UGT2B4: variants seen among roughly 807,000 people sequenced by gnomAD.
UGT2B4 encodes the protein UDP-glucuronosyltransferase 2B4.
In UGT2B4, 49 loss-of-function variants were observed where a neutral mutation model predicts 49.8. That is an observed-to-expected ratio of 0.98 (90% confidence interval 0.78 to 1.25). UGT2B4 has a LOEUF of 1.25. UGT2B4 is among the 50% of genes most tolerant of loss of function. The pLI is 0.00. For missense variants in UGT2B4, 729 were observed against 627.7 expected, an observed-to-expected ratio of 1.16 and a Z score of -1.73; for synonymous variants, 246 against 217.7, an observed-to-expected ratio of 1.13 and a Z score of -1.14.
At chr4:69,483,471 AT>A (rs1445646818) in intron 5 of UGT2B4, among the ~76,000 whole-genome samples, 4 of 152,014 alleles carry the variant, frequency 2.6e-5, no homozygotes, top group African/African-American at 9.7e-5. Flanking sequence ...ATTTGGTCTT[AT>A]TTTTCAGGTC....
exon 1 of UGT2B4, chr4:69,525,797 T>C: frequency 8.8e-7 from 1 of 1,142,072 alleles, no homozygotes; most frequent in Non-Finnish European, 1.1e-6. Context: ...AACATTTATG[T>C]TTATATTAAA....
chr4:69,481,969 A>G (rs1727606737), intron 5 of UGT2B4, among the ~76,000 whole-genome samples: 1 of 152,218 alleles, frequency 6.6e-6, no homozygotes, highest in African/African-American at 2.4e-5. Context: ...CATATCAAGA[A>G]TAAAATCCAA....
chr4:69,509,099 TTAA>T (rs1045349336), intron 1 of UGT2B4, among the ~76,000 whole-genome samples: 5 of 152,180 alleles, frequency 3.3e-5, no homozygotes, highest in Non-Finnish European at 7.4e-5. Context: ...GTTATTTCAC[TTAA>T]TATTATTTTC....
chr4:69,498,357 C>G (rs896792454), upstream of UGT2B4, among the ~76,000 whole-genome samples: 1 of 152,136 alleles, frequency 6.6e-6, no homozygotes, highest in South Asian at 2.1e-4. Flanking sequence ...ATATGCATGG[C>G]TCTTGTGGAG....
intron 5 of UGT2B4, among the ~76,000 whole-genome samples, chr4:69,483,706 T>C (rs950323051): frequency 2.0e-5 from 3 of 152,130 alleles, no homozygotes; most frequent in Non-Finnish European, 4.4e-5. Flanking sequence ...ACATTATTAA[T>C]AGTAGTTATG....
chr4:69,483,204 T>G (rs1285530882), intron 5 of UGT2B4, among the ~76,000 whole-genome samples: 1 of 152,144 alleles, frequency 6.6e-6, no homozygotes, highest in Non-Finnish European at 1.5e-5. Flanking sequence ...TTTTTATAAT[T>G]TCTCACATTC....
At position 69,486,695 on chromosome 4, in the gene UGT2B4, A is replaced by T; in HGVS notation, c.1004T>A (p.Val335Asp). Reference sequence around the variant, plus strand: ...TTTATTCCCATCAAATCTCCACAGAACCTGTTACAGTGAAGAAAATATCTT... The same window carrying T: ...TTTATTCCCATCAAATCTCCACAGATCCTGTTACAGTGAAGAAAATATCTT... The part of the protein sequence containing the change: ...ASALAKIPQK[V>D]LWRFDGNKPD... Residue 335 changes from valine (V) to aspartate (D), a missense_variant and splice_region_variant, in exon 4 of 6, where the codon GTT becomes GAT. Val to Asp is a radical substitution (Grantham distance 152). Transcript: ENST00000305107. 6.2e-7 allele frequency: 1 copy of T among 1,602,334 alleles called. No individual in the cohort carries two copies. Among genetic ancestry groups the T allele is most frequent in the Non-Finnish European group, 8.5e-7 (1 of 1,175,638 alleles).
At chr4:69,493,598 C>T in intron 2 of UGT2B4, 95 bp downstream of exon 2, 1 of 1,427,296 alleles carries the variant, frequency 7.0e-7, no homozygotes, top group Non-Finnish European at 9.3e-7. Context: ...TTCCCACTTC[C>T]ACCTTTCTTC....
chr4:69,493,218 G>T (rs570036987), intron 2 of UGT2B4, among the ~76,000 whole-genome samples: 7 of 151,520 alleles, frequency 4.6e-5, no homozygotes, highest in African/African-American at 1.5e-4. Context: ...ATTAATATCA[G>T]TGACTCCAGG....
intron 1 of UGT2B4, among the ~76,000 whole-genome samples, chr4:69,506,606 G>A (rs575263046): frequency 1.7e-4 from 25 of 151,382 alleles, no homozygotes; most frequent in African/African-American, 5.4e-4. Flanking sequence ...ACAAAGCCTA[G>A]GACCAGATAG....
intron 5 of UGT2B4, among the ~76,000 whole-genome samples, chr4:69,484,393 A>G (rs1727701757): frequency 6.6e-6 from 1 of 152,200 alleles, no homozygotes; most frequent in Non-Finnish European, 1.5e-5. Flanking sequence ...TGAGCTAATA[A>G]AGAGACAAAT....
chr4:69,485,689 T>C (rs1727760733), intron 4 of UGT2B4, among the ~76,000 whole-genome samples: 1 of 119,214 alleles, frequency 8.4e-6, no homozygotes, highest in Admixed American at 9.0e-5. Flanking sequence ...TAAGGAAACA[T>C]CATGTGCAGA....
At position 69,493,787 on chromosome 4, in the gene UGT2B4, C is replaced by T. The variant is rs764806996; in HGVS notation, c.776G>A (p.Arg259Gln). Residue 259 changes from arginine to glutamine, a missense_variant, in exon 2 of 6, where the codon CGA becomes CAA. Arg to Gln is a conservative substitution (Grantham distance 43). Coordinates refer to ENST00000305107, the MANE Select transcript of UGT2B4 (RefSeq NM_021139.3). Reference protein sequence around the residue: ...TMAKADIWLIRNYWDFQFPHP... With the variant: ...TMAKADIWLIQNYWDFQFPHP... ...AGGAAATTGAAAATCCCAGTAGTTT[C>T]GAATAAGCCATATGTCAGCTTTTGC... is the stretch of plus-strand genomic sequence containing the variant. The T allele has an allele frequency of 9.9e-6, 16 of 1,608,446 alleles. No individual in the cohort carries two copies. In the South Asian group the frequency reaches 1.1e-4, roughly 11 times the overall value.
chr4:69,507,239 A>G (rs1373737727), intron 1 of UGT2B4, among the ~76,000 whole-genome samples: 1 of 152,206 alleles, frequency 6.6e-6, no homozygotes, highest in African/African-American at 2.4e-5. Flanking sequence ...CAGGCGAGCG[A>G]AAGAAATAAA....
At chr4:69,499,431 T>A (rs1384667121), upstream of UGT2B4, among the ~76,000 whole-genome samples, 1 of 152,076 alleles carries the variant, frequency 6.6e-6, no homozygotes, top group Non-Finnish European at 1.5e-5. Flanking sequence ...AATTTTCTGT[T>A]TTGAAACTCT....
rs1399002341 is a variant in UGT2B4 at position 69,480,725 on chromosome 4, G to A, written c.1496C>T (p.Ala499Val). The A allele has an allele frequency of 3.7e-6, 6 of 1,613,940 alleles. No individual in the cohort carries two copies. The highest frequency in any genetic ancestry group is 8.5e-7 in the Non-Finnish European group (1 of 1,179,960). The change falls in exon 6 of 6, where the codon GCC becomes GTC. Residue 499 changes from alanine to valine, a missense_variant. Coordinates refer to ENST00000305107, the MANE Select transcript of UGT2B4 (RefSeq NM_021139.3). ...GATGAATATCACAGTTGCCACACAGGCCAGCAGGAACCCAGTCACATCCAA... is the reference window on the plus strand; with the variant it reads ...GATGAATATCACAGTTGCCACACAGACCAGCAGGAACCCAGTCACATCCAA... ...HSLDVTGFLLACVATVIFIIT... is the reference protein window; with the variant it reads ...HSLDVTGFLLVCVATVIFIIT...
chr4:69,525,584 A>G, intron 1 of UGT2B4: 2 of 560,662 alleles, frequency 3.6e-6, no homozygotes, highest in Non-Finnish European at 4.7e-6. Context: ...GCAACGTGAT[A>G]TAGTTTCAAG....
chr4:69,486,730 G>A (rs752932465), intron 3 of UGT2B4, 34 bp from the exon 4 acceptor site: 2 of 1,492,924 alleles, frequency 1.3e-6, no homozygotes, highest in South Asian at 1.2e-5. Context: ...TATTCCATGA[G>A]TGGAACTCAA....
chr4:69,485,408 A>G lies in UGT2B4; in HGVS notation c.1110T>C (p.Ala370=), dbSNP rs368041591. 5.6e-5 allele frequency: 90 copies of G among 1,613,744 alleles called. No individual in the cohort carries two copies. Among genetic ancestry groups the G allele is most frequent in the Non-Finnish European group, 7.5e-5 (88 of 1,179,804 alleles). ...CATTGGCTCCACCATGAGTTATAAAAGCTCTGGTTTTTGGGTGACCTAGGA... is the reference window on the plus strand; with the variant it reads ...CATTGGCTCCACCATGAGTTATAAAGGCTCTGGTTTTTGGGTGACCTAGGA... The part of the protein sequence containing the change: ...NDLLGHPKTR[A]FITHGGANGI... Residue 370 remains alanine, a synonymous_variant, in exon 5 of 6, where the codon GCT becomes GCC. Coordinates refer to ENST00000305107, the MANE Select transcript of UGT2B4 (RefSeq NM_021139.3).
Sources: allele counts gnomAD v4.1 joint callset (sites outside exome capture counted in the v4.1 genomes callset), GRCh38; gene constraint gnomAD v4.1.1; transcripts MANE v1.5; gene names NCBI Gene and HGNC (gene_info 2026-07-23, HGNC 2026-07-21).